GRID2: variants seen among roughly 807,000 people sequenced by gnomAD.
The protein encoded by GRID2 is glutamate receptor ionotropic, delta-2.
A neutral mutation model predicts 114.8 loss-of-function variants in GRID2; 33 were observed. That is an observed-to-expected ratio of 0.29 (90% confidence interval 0.22 to 0.38). GRID2 has a LOEUF of 0.38. Among genes scored for constraint, GRID2 ranks in the 10% least tolerant of loss-of-function variants. The pLI is 1.00. For synonymous variants in GRID2, 505 were observed against 449.9 expected (o/e 1.12, Z -1.55); for missense variants, 1,184 against 1,257.7 (o/e 0.94, Z 0.89).
intron 4 of GRID2, among the ~76,000 whole-genome samples, chr4:93,187,048 C>T (rs1423561558): frequency 6.6e-6 from 1 of 152,138 alleles, no homozygotes; most frequent in Non-Finnish European, 1.5e-5. Flanking sequence ...AGCTTCCTCA[C>T]ACCTCTTTTA....
At chr4:92,823,179 C>T (rs1334454452) in intron 2 of GRID2, among the ~76,000 whole-genome samples, 2 of 152,018 alleles carry the variant, frequency 1.3e-5, no homozygotes, top group Non-Finnish European at 2.9e-5. Flanking sequence ...TTGCCCTTTG[C>T]CCTTTATGAG....
downstream of GRID2, among the ~76,000 whole-genome samples, chr4:93,775,964 C>T (rs1192651768): frequency 3.9e-5 from 6 of 152,108 alleles, no homozygotes; most frequent in East Asian, 1.2e-3. Flanking sequence ...TGGGAAGATC[C>T]ATTTACCCTG....
chr4:92,395,222 G>A (rs1730434683), intron 1 of GRID2, among the ~76,000 whole-genome samples: 1 of 151,410 alleles, frequency 6.6e-6, no homozygotes, highest in South Asian at 2.1e-4. Flanking sequence ...ATAAAACATA[G>A]AATTAAAAAT....
At chr4:93,434,870 G>C (rs1461660507) in intron 10 of GRID2, among the ~76,000 whole-genome samples, 1 of 151,930 alleles carries the variant, frequency 6.6e-6, no homozygotes, top group Non-Finnish European at 1.5e-5. Flanking sequence ...CAAGCTTATG[G>C]TACCCCTTGT....
intron 1 of GRID2, among the ~76,000 whole-genome samples, chr4:92,476,784 G>A (rs1252247007): frequency 6.6e-6 from 1 of 152,062 alleles, no homozygotes; most frequent in East Asian, 1.9e-4. Flanking sequence ...ACAACATGTA[G>A]TCAAATATGA....
intron 1 of GRID2, among the ~76,000 whole-genome samples, chr4:92,375,586 A>G (rs909097107): frequency 6.6e-6 from 1 of 152,202 alleles, no homozygotes; most frequent in African/African-American, 2.4e-5. Context: ...AAAGTGAGAG[A>G]AAAGGAGAAA....
chr4:92,569,679 G>A (rs949220639), intron 1 of GRID2, among the ~76,000 whole-genome samples: 1 of 151,936 alleles, frequency 6.6e-6, no homozygotes, highest in South Asian at 2.1e-4. Context: ...GGTGTGAGAT[G>A]GTATCTCATT....
chr4:93,034,896 G>A (rs1032236336), intron 2 of GRID2, among the ~76,000 whole-genome samples: 2 of 152,118 alleles, frequency 1.3e-5, no homozygotes, highest in African/African-American at 2.4e-5. Flanking sequence ...GGCCCCGTGC[G>A]TGTTCAGCAT....
intron 2 of GRID2, among the ~76,000 whole-genome samples, chr4:93,081,012 G>A (rs187593341): frequency 9.9e-5 from 15 of 152,266 alleles, no homozygotes; most frequent in Admixed American, 2.0e-4. Context: ...ATTCAGAAAG[G>A]TAGTGCCCCC....
intron 1 of GRID2, among the ~76,000 whole-genome samples, chr4:92,391,177 T>C (rs1730221601): frequency 6.6e-6 from 1 of 152,210 alleles, no homozygotes; most frequent in African/African-American, 2.4e-5. Flanking sequence ...TATCAATCTC[T>C]ATATGTGAGT....
chr4:92,827,004 A>G (rs1289928332), intron 2 of GRID2, among the ~76,000 whole-genome samples: 4 of 152,048 alleles, frequency 2.6e-5, no homozygotes, highest in African/African-American at 4.8e-5. Context: ...TGTTTCATCA[A>G]AAATATCCAA....
chr4:92,433,898 G>A (rs1732598617), intron 1 of GRID2, among the ~76,000 whole-genome samples: 1 of 152,108 alleles, frequency 6.6e-6, no homozygotes, highest in African/African-American at 2.4e-5. Flanking sequence ...AATTAAAAGA[G>A]AGCAAGCAAG....
intron 8 of GRID2, among the ~76,000 whole-genome samples, chr4:93,266,159 C>T (rs1411770710): frequency 1.3e-5 from 2 of 152,126 alleles, no homozygotes; most frequent in African/African-American, 4.8e-5. Context: ...TCAGAGAAAA[C>T]CCATGAGAGA....
At chr4:92,378,772 C>G (rs28491053) in intron 1 of GRID2, among the ~76,000 whole-genome samples, 4,698 of 151,966 alleles carry the variant, frequency 0.031, 242 homozygotes, top group African/African-American at 0.11. Context: ...ATACCTTATG[C>G]CTAATTAACA....
intron 1 of GRID2, among the ~76,000 whole-genome samples, chr4:92,527,701 A>G (rs1327506491): frequency 1.3e-5 from 2 of 151,972 alleles, no homozygotes; most frequent in Admixed American, 6.6e-5. Context: ...TGTTAGTAGC[A>G]TAAGACAAAC....
intron 3 of GRID2, among the ~76,000 whole-genome samples, chr4:93,092,969 A>G (rs570157452): frequency 3.3e-5 from 5 of 152,134 alleles, no homozygotes; most frequent in Admixed American, 2.6e-4. Flanking sequence ...TCAGTACTGC[A>G]TAGCAGGTGC....
chr4:92,423,573 C>A (rs1732008182), intron 1 of GRID2, among the ~76,000 whole-genome samples: 1 of 152,072 alleles, frequency 6.6e-6, no homozygotes, highest in South Asian at 2.1e-4. Context: ...AGATTGTGTA[C>A]AACTTAATAA....
chr4:92,627,034 G>A (rs1354930515), intron 2 of GRID2, among the ~76,000 whole-genome samples: 1 of 152,098 alleles, frequency 6.6e-6, no homozygotes, highest in Non-Finnish European at 1.5e-5. Context: ...TGGAAAGTTA[G>A]CAGAATAAGC....
At position 92,520,588 on chromosome 4, in the gene GRID2, A is replaced by G. The variant is rs111744940; in HGVS notation, c.89-69543A>G. On this transcript the variant is annotated intron_variant, in intron 1 of 15. Coordinates refer to ENST00000282020, the MANE Select transcript of GRID2 (RefSeq NM_001510.4). ...TTGCTCTAGTTTTCCATTGATCTTA[A>G]TCACAGGGAATGGTATGCTAATAGG... 1.8e-3 allele frequency among the ~76,000 whole-genome samples: 267 copies of G among 151,978 alleles called. 2 individuals are homozygous for G. The highest frequency in any genetic ancestry group is 6.8e-3 in the Middle Eastern group (2 of 294).
Sources: allele counts gnomAD v4.1 joint callset (sites outside exome capture counted in the v4.1 genomes callset), GRCh38; gene constraint gnomAD v4.1.1; transcripts MANE v1.5; gene names NCBI Gene and HGNC (gene_info 2026-07-23, HGNC 2026-07-21).